CNTNAP2: variants seen among roughly 807,000 people sequenced by gnomAD.
CNTNAP2 encodes the protein contactin associated protein 2, also known as contactin-associated protein-like 2.
In CNTNAP2, 98 loss-of-function variants were observed where a neutral mutation model predicts 155.2. The ratio of observed to expected loss-of-function variants is 0.63; its 90% confidence interval spans 0.54 to 0.75. The LOEUF (loss-of-function observed/expected upper bound fraction) is 0.75, where lower values mean the gene tolerates loss of function less well. CNTNAP2 is among the 30% of genes least tolerant of loss of function. The pLI, the probability that CNTNAP2 is intolerant of heterozygous loss-of-function variation, is 0.00. For synonymous variants in CNTNAP2, 651 were observed against 631.2 expected (o/e 1.03, Z -0.47); for missense variants, 1,727 against 1,688.1 (o/e 1.02, Z -0.40).
intron 1 of CNTNAP2, among the ~76,000 whole-genome samples, chr7:146,443,230 T>TAAATAATAAATA (rs1554434107): frequency 7.3e-4 from 108 of 147,800 alleles, no homozygotes; most frequent in African/African-American, 2.5e-3. Flanking sequence ...AATAAATAAA[T>TAAATAATAAATA]AATAAATAAA....
At chr7:147,721,212 GT>G (rs1796562232) in intron 13 of CNTNAP2, among the ~76,000 whole-genome samples, 1 of 152,042 alleles carries the variant, frequency 6.6e-6, no homozygotes, top group Admixed American at 6.6e-5. Flanking sequence ...TGTTGTTATT[GT>G]TTGGGGTTTG....
chr7:146,960,338 T>G (rs1797530917), intron 3 of CNTNAP2, among the ~76,000 whole-genome samples: 1 of 152,202 alleles, frequency 6.6e-6, no homozygotes, highest in South Asian at 2.1e-4. Flanking sequence ...GTTTTAGCAT[T>G]TCATGAGTCT....
At chr7:147,894,769 C>A (rs942008394) in intron 13 of CNTNAP2, among the ~76,000 whole-genome samples, 1 of 151,814 alleles carries the variant, frequency 6.6e-6, no homozygotes, top group Admixed American at 6.6e-5. Flanking sequence ...TTTATTTAAG[C>A]AGCCTGTTAA....
chr7:148,410,367 C>G (rs779397886), intron 23 of CNTNAP2, among the ~76,000 whole-genome samples: 7 of 151,984 alleles, frequency 4.6e-5, no homozygotes, highest in African/African-American at 7.2e-5. Context: ...GTCAGGAGTT[C>G]AAGACCAGCC....
chr7:147,949,401 A>G (rs1337796072), intron 14 of CNTNAP2, among the ~76,000 whole-genome samples: 3 of 147,324 alleles, frequency 2.0e-5, no homozygotes, highest in Non-Finnish European at 4.5e-5. Context: ...AAGTGGACTC[A>G]CACAGTTCAA....
chr7:146,708,558 G>A (rs188083591), intron 1 of CNTNAP2, among the ~76,000 whole-genome samples: 32 of 140,622 alleles, frequency 2.3e-4, no homozygotes, highest in African/African-American at 7.0e-4. Flanking sequence ...TGTTCTCTCC[G>A]GGCTCTGTTT....
At chr7:147,274,284 AT>A (rs1804841880) in intron 8 of CNTNAP2, among the ~76,000 whole-genome samples, 1 of 152,066 alleles carries the variant, frequency 6.6e-6, no homozygotes, top group Admixed American at 6.6e-5. Flanking sequence ...TTATATAAGC[AT>A]TCCCTTTTCT....
intron 1 of CNTNAP2, among the ~76,000 whole-genome samples, chr7:146,397,325 T>C (rs1348372109): frequency 6.6e-6 from 1 of 152,230 alleles, no homozygotes; most frequent in Non-Finnish European, 1.5e-5. Context: ...CATTTGCTCA[T>C]GACAGCAATG....
intron 1 of CNTNAP2, among the ~76,000 whole-genome samples, chr7:146,772,866 C>T (rs1802320295): frequency 6.6e-6 from 1 of 152,108 alleles, no homozygotes; most frequent in South Asian, 2.1e-4. Flanking sequence ...TTGAGTACAG[C>T]AGCCACAAGT....
chr7:148,312,807 G>T (rs1585263714), intron 21 of CNTNAP2, among the ~76,000 whole-genome samples: 1 of 152,090 alleles, frequency 6.6e-6, no homozygotes, highest in East Asian at 1.9e-4. Context: ...TGGCATTGAG[G>T]GGGTAAGGGT....
At chr7:147,315,211 C>CT (rs1001656670) in intron 9 of CNTNAP2, among the ~76,000 whole-genome samples, 105 of 149,096 alleles carry the variant, frequency 7.0e-4, no homozygotes, top group African/African-American at 2.5e-3. Context: ...AACAGATTTT[C>CT]TTTTTTTCTT....
chr7:147,828,227 C>T (rs1658636486), intron 13 of CNTNAP2, among the ~76,000 whole-genome samples: 2 of 152,136 alleles, frequency 1.3e-5, no homozygotes, highest in Admixed American at 1.3e-4. Context: ...ACTACAGTCA[C>T]TGCAGAACCA....
chr7:146,627,364 A>G (rs1431172085), intron 1 of CNTNAP2, among the ~76,000 whole-genome samples: 1 of 152,178 alleles, frequency 6.6e-6, no homozygotes, highest in African/African-American at 2.4e-5. Context: ...TGCATTATGT[A>G]TGAAAATACG....
At chr7:146,246,473 A>G (rs1430259580) in intron 1 of CNTNAP2, among the ~76,000 whole-genome samples, 1 of 149,930 alleles carries the variant, frequency 6.7e-6, no homozygotes, top group African/African-American at 2.5e-5. Context: ...GTCAATACCC[A>G]CAACAGTTAT....
At chr7:147,526,531 CTAA>C (rs1199189160) in intron 11 of CNTNAP2, among the ~76,000 whole-genome samples, 1 of 152,138 alleles carries the variant, frequency 6.6e-6, no homozygotes, top group Non-Finnish European at 1.5e-5. Context: ...CTTGAGCACT[CTAA>C]TAATGGTTTA....
chr7:147,386,378 CAA>C (rs781150470), intron 9 of CNTNAP2, among the ~76,000 whole-genome samples: 18 of 152,098 alleles, frequency 1.2e-4, no homozygotes, highest in Non-Finnish European at 2.4e-4. Flanking sequence ...GTAAATTTTC[CAA>C]ACTTTTATGC....
At chr7:146,316,263 C>T (rs1355629660) in intron 1 of CNTNAP2, among the ~76,000 whole-genome samples, 2 of 151,852 alleles carry the variant, frequency 1.3e-5, no homozygotes, top group Middle Eastern at 3.2e-3. Flanking sequence ...TCTTGATCTT[C>T]AAGTGAAAGA....
chr7:146,721,114 C>A (rs1389750427), intron 1 of CNTNAP2, among the ~76,000 whole-genome samples: 2 of 125,188 alleles, frequency 1.6e-5, no homozygotes, highest in African/African-American at 6.6e-5. Context: ...TATATATATT[C>A]TCTCTATATA....
rs117627495 is a variant in CNTNAP2 at position 146,623,961 on chromosome 7, C to T, written c.98-150310C>T. Reference sequence around the variant, plus strand: ...TGGATGTTCGCCATTCTAGTAGTTCCGTAGTGCCACCACATAGTTGTTTTA... The same window carrying T: ...TGGATGTTCGCCATTCTAGTAGTTCTGTAGTGCCACCACATAGTTGTTTTA... On this transcript the variant is annotated intron_variant, in intron 1 of 23. Transcript: ENST00000361727. Among the ~76,000 whole-genome samples, 77 of 151,964 alleles carry T rather than the reference C, an allele frequency of 5.1e-4. 1 individual carries two copies. In the East Asian group the frequency reaches 0.014, roughly 28 times the overall value.
Sources: gnomAD v4.1 joint callset for allele counts (sites outside exome capture counted in the v4.1 genomes callset) on GRCh38, gnomAD v4.1.1 for gene constraint, MANE v1.5 for transcripts, NCBI Gene and HGNC (gene_info 2026-07-23, HGNC 2026-07-21) for gene names.